RRAGD: variants seen among roughly 807,000 people sequenced by gnomAD.
The protein encoded by RRAGD is Ras related GTP binding D.
In RRAGD, 12 loss-of-function variants were observed where a neutral mutation model predicts 35.5. That is an observed-to-expected ratio of 0.34 (90% confidence interval 0.22 to 0.55). RRAGD has a LOEUF of 0.55. Ranked by LOEUF, RRAGD falls within the 20% of genes least tolerant of loss-of-function variation. RRAGD has a pLI of 0.91. For missense variants in RRAGD, 324 were observed against 490.1 expected, an observed-to-expected ratio of 0.66 and a Z score of 3.20; for synonymous variants, 155 against 178.9, an observed-to-expected ratio of 0.87 and a Z score of 1.07.
intron 1 of RRAGD, among the ~76,000 whole-genome samples, chr6:89,388,752 C>T (rs1769179162): frequency 6.6e-6 from 1 of 152,122 alleles, no homozygotes; most frequent in Non-Finnish European, 1.5e-5. Context: ...TTGCATTGTC[C>T]TATATAATGA....
intron 6 of RRAGD, among the ~76,000 whole-genome samples, chr6:89,370,123 A>G (rs1329490928): frequency 6.6e-6 from 1 of 152,202 alleles, no homozygotes; most frequent in Non-Finnish European, 1.5e-5. Flanking sequence ...GTTGAGAGAA[A>G]GTCATTTATA....
intron 2 of RRAGD, among the ~76,000 whole-genome samples, chr6:89,386,119 G>A (rs1769133351): frequency 6.6e-6 from 1 of 152,224 alleles, no homozygotes; most frequent in African/African-American, 2.4e-5. Flanking sequence ...AGTTGGTTCA[G>A]CGCATGCTGA....
At chr6:89,395,726 T>C (rs1281651368) in intron 1 of RRAGD, among the ~76,000 whole-genome samples, 2 of 152,182 alleles carry the variant, frequency 1.3e-5, no homozygotes, top group Non-Finnish European at 2.9e-5. Context: ...TTGGTAAATG[T>C]TGGTTAGACA....
intron 1 of RRAGD, among the ~76,000 whole-genome samples, chr6:89,398,335 T>C (rs779745788): frequency 1.2e-4 from 19 of 152,196 alleles, no homozygotes; most frequent in Non-Finnish European, 1.8e-4. Context: ...ATTGTTGTAA[T>C]TGACAGTTAC....
Position 89,368,173 on chromosome 6 carries a change from C to T in RRAGD, c.1086G>A (p.Lys362=). The T allele has an allele frequency of 1.9e-6, 3 of 1,613,852 alleles. No individual in the cohort carries two copies. The South Asian group carries it at 3.3e-5, about 18-fold the overall frequency. The change falls in exon 7 of 7, where the codon AAG becomes AAA. Residue 362 remains lysine (K), a synonymous_variant. Coordinates refer to ENST00000369415, the MANE Select transcript of RRAGD (RefSeq NM_021244.5). ...LIDYNFHCFR[K]AIHEVFEVRM... is the part of the protein sequence containing the mutation. ...TCACCTCAAAAACTTCATGAATGGC[C>T]TTCCGGAAGCAATGAAAATTATAGT...
intron 1 of RRAGD, among the ~76,000 whole-genome samples, chr6:89,394,414 C>T (rs1769294125): frequency 6.6e-6 from 1 of 151,972 alleles, no homozygotes; most frequent in Non-Finnish European, 1.5e-5. Flanking sequence ...GAGAAGACAA[C>T]AGAACAGATC....
intron 4 of RRAGD, 127 bp downstream of exon 4, chr6:89,379,097 T>C: frequency 3.7e-6 from 2 of 543,862 alleles, no homozygotes; most frequent in Non-Finnish European, 6.5e-6. Context: ...GTAGGAGTAA[T>C]CTTTAAAAGT....
chr6:89,396,311 A>G (rs1316233065), intron 1 of RRAGD, among the ~76,000 whole-genome samples: 1 of 152,244 alleles, frequency 6.6e-6, no homozygotes, highest in Non-Finnish European at 1.5e-5. Flanking sequence ...AATAAAGACA[A>G]GACACAGACT....
chr6:89,380,912 GAAAAAAA>G (rs60978384), intron 2 of RRAGD, among the ~76,000 whole-genome samples: 3 of 136,776 alleles, frequency 2.2e-5, no homozygotes, highest in African/African-American at 8.0e-5. Flanking sequence ...GTCACAAAAA[GAAAAAAA>G]AAAAAAAAGA....
chr6:89,393,397 A>G (rs952674331), intron 1 of RRAGD, among the ~76,000 whole-genome samples: 2 of 152,204 alleles, frequency 1.3e-5, no homozygotes, highest in African/African-American at 4.8e-5. Context: ...TAACAGTGAA[A>G]ACAGCCAAGC....
intron 1 of RRAGD, among the ~76,000 whole-genome samples, chr6:89,408,607 C>T (rs564516636): frequency 6.6e-6 from 1 of 152,302 alleles, no homozygotes; most frequent in African/African-American, 2.4e-5. Context: ...CAGAAACCAC[C>T]TACACAGTCA....
chr6:89,382,559 A>G (rs1769063377), intron 2 of RRAGD, among the ~76,000 whole-genome samples: 1 of 151,818 alleles, frequency 6.6e-6, no homozygotes, highest in Admixed American at 6.6e-5. Context: ...TAGGTAACAG[A>G]GTGAGAGCCT....
chr6:89,382,349 G>A (rs1267729523), intron 2 of RRAGD, among the ~76,000 whole-genome samples: 1 of 148,920 alleles, frequency 6.7e-6, no homozygotes, highest in African/African-American at 2.5e-5. Context: ...GGAGAGGACT[G>A]CTTGAGTTCA....
chr6:89,384,813 CAAAA>C (rs34091216), intron 2 of RRAGD, among the ~76,000 whole-genome samples: 6 of 101,600 alleles, frequency 5.9e-5, no homozygotes, highest in East Asian at 2.5e-4. Flanking sequence ...GACTCCGTCT[CAAAA>C]AAAAAAAAAA....
At chr6:89,395,481 A>G (rs1016666219) in intron 1 of RRAGD, among the ~76,000 whole-genome samples, 7 of 152,248 alleles carry the variant, frequency 4.6e-5, no homozygotes, top group African/African-American at 1.7e-4. Context: ...CAAAATTTAC[A>G]AAGTAAAAAG....
At chr6:89,370,512 T>G (rs776501625) in intron 6 of RRAGD, among the ~76,000 whole-genome samples, 1 of 152,210 alleles carries the variant, frequency 6.6e-6, no homozygotes, top group Non-Finnish European at 1.5e-5. Context: ...CTGAAGAACA[T>G]TTTGGTAATA....
At chr6:89,399,688 G>A (rs1245355675) in intron 1 of RRAGD, among the ~76,000 whole-genome samples, 2 of 152,024 alleles carry the variant, frequency 1.3e-5, no homozygotes, top group African/African-American at 2.4e-5. Flanking sequence ...GCTGAGATAG[G>A]AGGATCACCT....
chr6:89,365,676 A>T lies in RRAGD; in HGVS notation c.*2380T>A, dbSNP rs1176757298. On this transcript the variant is annotated 3_prime_UTR_variant, in exon 7 of 7. Coordinates refer to ENST00000369415, the MANE Select transcript of RRAGD (RefSeq NM_021244.5). Reference sequence around the variant, plus strand: ...CATGAACTTGGGCCCTATGTCATAGAATTATTTTTGCCTTTCCCCCAAAGA... The same window carrying T: ...CATGAACTTGGGCCCTATGTCATAGTATTATTTTTGCCTTTCCCCCAAAGA... 1 of 152,184 alleles carries T rather than the reference A, an allele frequency of 6.6e-6. No individual in the cohort carries two copies. The highest frequency in any genetic ancestry group is 1.5e-5 in the Non-Finnish European group (1 of 68,036). 9.4% of individuals were successfully genotyped at this position (152,184 alleles called of 1,614,324 possible).
chr6:89,398,226 GT>G (rs1769378970), intron 1 of RRAGD, among the ~76,000 whole-genome samples: 1 of 152,138 alleles, frequency 6.6e-6, no homozygotes, highest in South Asian at 2.1e-4. Flanking sequence ...ATGGGAAAAC[GT>G]TTGGAAGTGA....
Sources: allele counts gnomAD v4.1 joint callset (sites outside exome capture counted in the v4.1 genomes callset), GRCh38; gene constraint gnomAD v4.1.1; transcripts MANE v1.5; gene names NCBI Gene and HGNC (gene_info 2026-07-23, HGNC 2026-07-21).